The following PRELP variants were observed in gnomAD, a reference collection of about 807,000 sequenced individuals.
PRELP encodes prolargin.
A neutral mutation model predicts 22.8 loss-of-function variants in PRELP; 16 were observed. That is an observed-to-expected ratio of 0.70 (90% CI 0.47 to 1.06). PRELP has a LOEUF of 1.06. Among genes scored for constraint, PRELP ranks in the 50% least tolerant of loss-of-function variants. The probability of loss-of-function intolerance (pLI) is 0.00; values close to 1 mark genes in which losing one functional copy is unlikely to be tolerated. For missense variants in PRELP, 434 were observed against 485.2 expected, an observed-to-expected ratio of 0.89 and a Z score of 0.99; for synonymous variants, 233 against 211.4, an observed-to-expected ratio of 1.10 and a Z score of -0.89.
chr1:203,480,331 T>C (rs1440036218), intron 1 of PRELP, among the ~76,000 whole-genome samples: 3 of 152,094 alleles, frequency 2.0e-5, no homozygotes, highest in Non-Finnish European at 4.4e-5. Context: ...TGTGAAAGCA[T>C]AAGAAAAATT....
Position 203,488,572 on chromosome 1 carries a change from C to T in PRELP, c.*1691C>T, listed in dbSNP as rs1430397370. 6.6e-6 allele frequency: 1 copy of T among 152,246 alleles called. No homozygotes were observed. The highest frequency in any genetic ancestry group is 1.9e-4 in the East Asian group (1 of 5,198). The allele number at this position is 152,246 out of a possible 1,614,324, so 9.4% of individuals were successfully genotyped here. The stretch of plus-strand genomic sequence containing the variant: ...TGAGGTCCCTCCGGCGCTCATGTTC[C>T]GAGTCTGCAGCTCCACACTTTAAAT... On this transcript the variant is annotated 3_prime_UTR_variant, in exon 3 of 3. Coordinates refer to ENST00000343110, the MANE Select transcript of PRELP (RefSeq NM_002725.4).
chr1:203,481,683 G>A (rs1462670345), intron 1 of PRELP, among the ~76,000 whole-genome samples: 1 of 152,146 alleles, frequency 6.6e-6, no homozygotes, highest in Non-Finnish European at 1.5e-5. Context: ...CCAATACTCA[G>A]TGTACTGCGT....
rs1239203841 is a variant in PRELP, at chr1:203,490,309, C to T, written c.*3428C>T. On this transcript the variant is annotated 3_prime_UTR_variant, in exon 3 of 3. Coordinates refer to ENST00000343110, the MANE Select transcript of PRELP (RefSeq NM_002725.4). ...GAATTTCTCGCAAACTCACAACCCT[C>T]ATGAAAAATTAATCCTCAGTTCCAC... 6.6e-6 allele frequency: 1 copy of T among 152,118 alleles called. No individual in the cohort carries two copies. The highest frequency in any genetic ancestry group is 1.5e-5 in the Non-Finnish European group (1 of 68,024). 9.4% of individuals were successfully genotyped at this position (152,118 alleles called of 1,614,324 possible).
At position 203,483,280 on chromosome 1, in the gene PRELP, C is replaced by T. The variant is rs199573544; in HGVS notation, c.96C>T (p.Pro32=). 108 of 1,613,040 alleles carry T rather than the reference C, an allele frequency of 6.7e-5. No homozygotes were observed. In the African/African-American group the frequency reaches 8.8e-4, roughly 13 times the overall value. Residue 32 remains proline (P), a synonymous_variant, in exon 2 of 3, where the codon CCC becomes CCT. Transcript: ENST00000343110. This position sits in a 1 kb window ranked among gnomAD's most constrained non-coding sequence, Gnocchi z 4.4. ...PTRRPRPGTG[P]GRRPRPRPRP... ...GACGACCAAGACCCGGGACTGGGCC[C>T]GGGCGCAGACCCAGGCCCAGGCCCA... is the stretch of plus-strand genomic sequence containing the variant.
chr1:203,481,167 G>T (rs1400151381), intron 1 of PRELP, among the ~76,000 whole-genome samples: 1 of 152,202 alleles, frequency 6.6e-6, no homozygotes, highest in Non-Finnish European at 1.5e-5. Flanking sequence ...GAGCCTCCTT[G>T]GGACAGGGCT....
In PRELP at chr1:203,483,656, G is replaced by A; in HGVS notation, c.472G>A (p.Glu158Lys). The A allele has an allele frequency of 6.2e-7, 1 of 1,614,154 alleles. No homozygotes were observed. The highest frequency in any genetic ancestry group is 8.5e-7 in the Non-Finnish European group (1 of 1,180,034). ...KLPGLVFLYM[E>K]KNQLEEVPSA... ...GCCCGGCCTGGTGTTCCTCTACATG[G>A]AGAAGAACCAGTTGGAAGAGGTCCC... The change falls in exon 2 of 3, where the codon GAG (glutamate) becomes AAG (lysine). Residue 158 changes from glutamate (E) to lysine (K), a missense_variant. Coordinates refer to ENST00000343110, the MANE Select transcript of PRELP (RefSeq NM_002725.4). The surrounding 1 kb of genome is among the most constrained non-coding windows in gnomAD (Gnocchi z 4.4).
chr1:203,479,048 C>A (rs1660956423), intron 1 of PRELP, among the ~76,000 whole-genome samples: 1 of 152,194 alleles, frequency 6.6e-6, no homozygotes, highest in Non-Finnish European at 1.5e-5. Flanking sequence ...TTCACCGGCA[C>A]AGCGCTAGGT....
chr1:203,484,042 C>T lies in PRELP; in HGVS notation c.858C>T (p.Asn286=). The T allele has an allele frequency of 6.2e-7, 1 of 1,614,220 alleles. No individual in the cohort carries two copies. Among genetic ancestry groups the T allele is most frequent in the South Asian group, 1.1e-5 (1 of 91,088 alleles). ...NKLTDRGLPK[N]SFNISNLLVL... ...TGACAGACAGGGGACTCCCCAAGAA[C>T]TCCTTTAATATCTCCAACCTGCTTG... Residue 286 remains asparagine (N), a synonymous_variant, in exon 2 of 3, where the codon AAC becomes AAT. Coordinates refer to ENST00000343110, the MANE Select transcript of PRELP (RefSeq NM_002725.4).
At chr1:203,480,949 C>T (rs1169294059) in intron 1 of PRELP, among the ~76,000 whole-genome samples, 4 of 152,244 alleles carry the variant, frequency 2.6e-5, no homozygotes, top group Admixed American at 2.0e-4. Context: ...CTGTGAGTAA[C>T]CTGCCTGTTC....
chr1:203,486,780 C>T lies in PRELP; in HGVS notation c.1048C>T (p.Pro350Ser), dbSNP rs1275663065. 2 of 1,614,078 alleles carry T rather than the reference C, an allele frequency of 1.2e-6. No homozygotes were observed. Among genetic ancestry groups the T allele is most frequent in the Middle Eastern group, 1.6e-4 (1 of 6,062 alleles). Residue 350 changes from proline to serine, a missense_variant, in exon 3 of 3, where the codon CCA becomes TCA. By Grantham distance (74) the Pro-to-Ser change is moderately conservative. Coordinates refer to ENST00000343110, the MANE Select transcript of PRELP (RefSeq NM_002725.4). ...HDFSSDLENV[P>S]HLRYLRLDGN... ...CTTCTCCTCGGACCTGGAGAACGTGCCACACCTGCGCTACCTGCGGCTGGA... is the reference window on the plus strand; with the variant it reads ...CTTCTCCTCGGACCTGGAGAACGTGTCACACCTGCGCTACCTGCGGCTGGA...
chr1:203,487,039 G>A lies in PRELP; in HGVS notation c.*158G>A, dbSNP rs528360182. 2 of 862,438 alleles carry A rather than the reference G, an allele frequency of 2.3e-6. No homozygotes were observed. The highest frequency in any genetic ancestry group is 3.0e-5 in the Admixed American group (1 of 32,952). 53.4% of individuals were successfully genotyped at this position (862,438 alleles called of 1,614,324 possible). A position where few individuals can be genotyped will look rare whatever the true frequency, so the allele number is the denominator to read the frequency against. On this transcript the variant is annotated 3_prime_UTR_variant, in exon 3 of 3. Coordinates refer to ENST00000343110, the MANE Select transcript of PRELP (RefSeq NM_002725.4). ...GGGAAAAGCCATCTATTCTTCTGCA[G>A]CCTCAGGAGCGAGACTTCAAGGACT...
At chr1:203,481,146 G>A (rs771199555) in intron 1 of PRELP, among the ~76,000 whole-genome samples, 7 of 152,160 alleles carry the variant, frequency 4.6e-5, no homozygotes, top group African/African-American at 9.7e-5. Context: ...AAAAACTCCC[G>A]CCAGTGCTGG....
At chr1:203,479,239 C>T (rs908383043) in intron 1 of PRELP, among the ~76,000 whole-genome samples, 2 of 152,142 alleles carry the variant, frequency 1.3e-5, no homozygotes, top group South Asian at 4.1e-4. Flanking sequence ...CCAGCCCAAC[C>T]TCAACCTCTC....
Position 203,483,714 on chromosome 1 carries a change from G to A in PRELP, c.530G>A (p.Arg177Lys), listed in dbSNP as rs150848752. ...SALPRNLEQL[R>K]LSQNHISRIP... The stretch of plus-strand genomic sequence containing the variant: ...CTGCCCCGGAACCTGGAGCAGCTGA[G>A]GCTGAGCCAGAACCACATCTCCAGA... Residue 177 changes from arginine (R) to lysine (K), a missense_variant, in exon 2 of 3, where the codon AGG (arginine) becomes AAG (lysine). Transcript: ENST00000343110. This position sits in a 1 kb window ranked among gnomAD's most constrained non-coding sequence, Gnocchi z 4.4. The A allele has an allele frequency of 5.0e-6, 8 of 1,614,126 alleles. No individual in the cohort carries two copies. In the South Asian group the frequency reaches 7.7e-5, roughly 16 times the overall value.
rs767209441 is a variant in PRELP at position 203,483,169 on chromosome 1, G to A, written c.-16G>A. 2 of 1,524,166 alleles carry A rather than the reference G, an allele frequency of 1.3e-6. No individual in the cohort carries two copies. The highest frequency in any genetic ancestry group is 2.3e-5 in the East Asian group (1 of 44,058). 94.4% of individuals were successfully genotyped at this position (1,524,166 alleles called of 1,614,324 possible). ...GACCTTATGTGTCTTCTCCCTGCAG[G>A]TGCATCACCTGGATCATGAGGTCAC... On this transcript the variant is annotated splice_region_variant and 5_prime_UTR_variant, in exon 2 of 3. In the 5' UTR this introduces an upstream ATG that the reference lacks. Coordinates refer to ENST00000343110, the MANE Select transcript of PRELP (RefSeq NM_002725.4). The surrounding 1 kb of genome is among the most constrained non-coding windows in gnomAD (Gnocchi z 4.4).
intron 1 of PRELP, among the ~76,000 whole-genome samples, chr1:203,482,822 C>T (rs1184132217): frequency 2.0e-5 from 3 of 151,958 alleles, no homozygotes; most frequent in Non-Finnish European, 4.4e-5. Context: ...TGGTCTCGAT[C>T]TCCTGACCTC....
rs1661151336 is a variant in PRELP at position 203,489,314 on chromosome 1, CCTTTG to C, written c.*2436_*2440del. On this transcript the variant is annotated 3_prime_UTR_variant, in exon 3 of 3. Coordinates refer to ENST00000343110, the MANE Select transcript of PRELP (RefSeq NM_002725.4). ...GCCCAATCTAGAATATGTCTGCTCTCCTTTGCTCTCTGCAGCTGTAAGCCAGAGGG... is the reference window on the plus strand; with the variant it reads ...GCCCAATCTAGAATATGTCTGCTCTCCTCTCTGCAGCTGTAAGCCAGAGGG... 1 of 152,430 alleles carries C rather than the reference CCTTTG, an allele frequency of 6.6e-6. No individual in the cohort carries two copies. Among genetic ancestry groups the C allele is most frequent in the South Asian group, 2.1e-4 (1 of 4,838 alleles). The allele number at this position is 152,430 out of a possible 1,614,324, so 9.4% of individuals were successfully genotyped here. A position where few individuals can be genotyped will look rare whatever the true frequency, so the allele number is the denominator to read the frequency against.
chr1:203,486,918 T>C lies in PRELP; in HGVS notation c.*37T>C. The C allele has an allele frequency of 6.4e-7, 1 of 1,562,552 alleles. No individual in the cohort carries two copies. The highest frequency in any genetic ancestry group is 8.7e-7 in the Non-Finnish European group (1 of 1,147,136). ...CCACCGGATCTGCTCTGACCGCACT[T>C]GAAGGCTGGGGCCCAGGCACCTGTG... is the stretch of plus-strand genomic sequence containing the variant. On this transcript the variant is annotated 3_prime_UTR_variant, in exon 3 of 3. Coordinates refer to ENST00000343110, the MANE Select transcript of PRELP (RefSeq NM_002725.4).
In PRELP at chr1:203,484,480, C is replaced by T. The variant is rs115662686; in HGVS notation, c.973+323C>T. Among the ~76,000 whole-genome samples, 596 of 152,352 alleles carry T rather than the reference C, an allele frequency of 3.9e-3. 3 individuals carry two copies. The highest frequency in any genetic ancestry group is 0.014 in the African/African-American group (574 of 41,580). On this transcript the variant is annotated intron_variant, in intron 2 of 2. Coordinates refer to ENST00000343110, the MANE Select transcript of PRELP (RefSeq NM_002725.4). ...TCATAGGTTTTCTTCCTCCATTCTT[C>T]CTCAGCCCCAGTTCCTTGGCAACTG...
Sources: allele counts gnomAD v4.1 joint callset (sites outside exome capture counted in the v4.1 genomes callset), GRCh38; gene constraint gnomAD v4.1.1; non-coding constraint Gnocchi (gnomAD v3.1); transcripts MANE v1.5; gene names NCBI Gene and HGNC (gene_info 2026-07-23, HGNC 2026-07-21).